ZMIZ2: variants seen among roughly 807,000 people sequenced by gnomAD.
ZMIZ2 encodes zinc finger MIZ domain-containing protein 2.
A neutral mutation model predicts 93.9 loss-of-function variants in ZMIZ2; 26 were observed. That is an observed-to-expected ratio of 0.28 (90% CI 0.20 to 0.38). ZMIZ2 has a LOEUF of 0.38. ZMIZ2 is among the 10% of genes least tolerant of loss of function. The pLI is 1.00. For missense variants in ZMIZ2, 1,023 were observed against 1,235.0 expected, an observed-to-expected ratio of 0.83 and a Z score of 2.57; for synonymous variants, 485 against 516.4, an observed-to-expected ratio of 0.94 and a Z score of 0.82.
chr7:44,757,449 C>T lies in ZMIZ2; in HGVS notation c.440C>T (p.Ala147Val). ...AARPSTDFTQ[A>V]AAAAAVAAAA... Reference sequence around the variant, plus strand: ...AGACCCTCCACTGACTTCACGCAAGCGGCAGCTGCTGCAGCTGTGGCTGCT... The same window carrying T: ...AGACCCTCCACTGACTTCACGCAAGTGGCAGCTGCTGCAGCTGTGGCTGCT... The change falls in exon 5 of 19, where the codon GCG becomes GTG. Residue 147 changes from alanine (A) to valine (V), a missense_variant. Coordinates refer to ENST00000309315, the MANE Select transcript of ZMIZ2 (RefSeq NM_031449.4). The T allele has an allele frequency of 1.9e-6, 3 of 1,606,884 alleles. No homozygotes were observed. Among genetic ancestry groups the T allele is most frequent in the African/African-American group, 1.3e-5 (1 of 75,026 alleles).
At position 44,764,997 on chromosome 7, in the gene ZMIZ2, T is replaced by C. The variant is rs1791559237; in HGVS notation, c.1985T>C (p.Ile662Thr). 6.2e-7 allele frequency: 1 copy of C among 1,614,218 alleles called. No individual in the cohort carries two copies. Among genetic ancestry groups the C allele is most frequent in the African/African-American group, 1.3e-5 (1 of 75,068 alleles). ...GACCAGTACATGCTGGGCATCCTGATTTACATTCAGAAGTAAGCATCCTCT... is the reference window on the plus strand; with the variant it reads ...GACCAGTACATGCTGGGCATCCTGACTTACATTCAGAAGTAAGCATCCTCT... ...EVDQYMLGILIYIQNSDYEEI... is the reference protein window; with the variant it reads ...EVDQYMLGILTYIQNSDYEEI... Residue 662 changes from isoleucine (I) to threonine (T), a missense_variant, in exon 15 of 19, where the codon ATT (isoleucine) becomes ACT (threonine). Coordinates refer to ENST00000309315, the MANE Select transcript of ZMIZ2 (RefSeq NM_031449.4).
intron 3 of ZMIZ2, 93 bp from the exon 4 acceptor site, chr7:44,756,854 C>T (rs1207049476): frequency 6.6e-7 from 1 of 1,506,264 alleles, no homozygotes; most frequent in Non-Finnish European, 9.1e-7. Context: ...CCCCAACCCA[C>T]TTGCCAGGCC....
Position 44,757,136 on chromosome 7 carries a change from G to A in ZMIZ2, c.355G>A (p.Gly119Ser), listed in dbSNP as rs372987958. Residue 119 changes from glycine to serine, a missense_variant, in exon 4 of 19, where the codon GGC (glycine) becomes AGC (serine). Gly to Ser is a moderately conservative substitution (Grantham distance 56). Around this residue, in one of 3 missense-constraint regions of ZMIZ2, gnomAD observed 656 missense variants for 777.1 expected, o/e 0.84. Transcript: ENST00000309315. Reference sequence around the variant, plus strand: ...CCGCGGGGGCTACCCTGGGGCCCCCGGCTTCACCACCGGGTAAGCAAGTTC... The same window carrying A: ...CCGCGGGGGCTACCCTGGGGCCCCCAGCTTCACCACCGGGTAAGCAAGTTC... ...YSRGGYPGAPGFTTGYAGGPG... is the reference protein window; with the variant it reads ...YSRGGYPGAPSFTTGYAGGPG... 1.1e-4 allele frequency: 170 copies of A among 1,594,016 alleles called. No homozygotes were observed. In the South Asian group the frequency reaches 1.1e-3, roughly 11 times the overall value.
Position 44,769,620 on chromosome 7 carries a change from C to T in ZMIZ2, c.*1997C>T, listed in dbSNP as rs1014435036. 1 of 152,688 alleles carries T rather than the reference C, an allele frequency of 6.5e-6. No individual in the cohort carries two copies. Among genetic ancestry groups the T allele is most frequent in the Admixed American group, 6.5e-5 (1 of 15,288 alleles). The allele number at this position is 152,688 out of a possible 1,614,324, so 9.5% of individuals were successfully genotyped here. On this transcript the variant is annotated 3_prime_UTR_variant, in exon 19 of 19. Transcript: ENST00000309315. The stretch of plus-strand genomic sequence containing the variant: ...TTTCTTGGGTGTCAAATGACTGTGT[C>T]CTGGACATCTGATGCACCACCTGCC...
chr7:44,767,706 A>AC lies in ZMIZ2; in HGVS notation c.*86dup. Reference sequence around the variant, plus strand: ...CCCTTCATGCCCAGCCCCATGGGACACCCGGTGGTCTTTCCCAAACCTCCC... The same window carrying AC: ...CCCTTCATGCCCAGCCCCATGGGACACCCCGGTGGTCTTTCCCAAACCTCCC... On this transcript the variant is annotated 3_prime_UTR_variant, in exon 19 of 19. Coordinates refer to ENST00000309315, the MANE Select transcript of ZMIZ2 (RefSeq NM_031449.4). 7.8e-7 allele frequency: 1 copy of AC among 1,286,064 alleles called. No homozygotes were observed. Among genetic ancestry groups the AC allele is most frequent in the South Asian group, 1.2e-5 (1 of 81,888 alleles). The allele number at this position is 1,286,064 out of a possible 1,614,324, so 79.7% of individuals were successfully genotyped here.
intron 1 of ZMIZ2, chr7:44,750,015 T>C (rs1229137914): frequency 6.6e-6 from 1 of 152,140 alleles, no homozygotes; most frequent in Non-Finnish European, 1.5e-5. Flanking sequence ...GCCCAGGGGA[T>C]AGTTACAAGC....
chr7:44,752,629 A>G (rs1790253603), intron 1 of ZMIZ2, among the ~76,000 whole-genome samples: 3 of 152,142 alleles, frequency 2.0e-5, no homozygotes, highest in Admixed American at 2.0e-4. Flanking sequence ...GCCTCTTGGG[A>G]TTGGCTTTTT....
At chr7:44,759,515 C>A in intron 7 of ZMIZ2, 55 bp downstream of exon 7, 1 of 1,350,690 alleles carries the variant, frequency 7.4e-7, no homozygotes, top group South Asian at 2.1e-5. Context: ...TGCTGTGGGA[C>A]AGGGGACCTT....
In ZMIZ2 at chr7:44,763,370, G is replaced by A; in HGVS notation, c.1817G>A (p.Arg606Lys). 1 of 1,614,138 alleles carries A rather than the reference G, an allele frequency of 6.2e-7. No homozygotes were observed. The highest frequency in any genetic ancestry group is 8.5e-7 in the Non-Finnish European group (1 of 1,180,016). The part of the protein sequence containing the change: ...VSLKCPITFR[R>K]IQLPARGHDC... ...CTGAAGTGCCCCATCACCTTCCGCA[G>A]GATCCAGCTCCCTGCCCGAGGTCAT... is the stretch of plus-strand genomic sequence containing the variant. The change falls in exon 13 of 19, where the codon AGG becomes AAG. Residue 606 changes from arginine (R) to lysine (K), a missense_variant. By Grantham distance (26) the Arg-to-Lys change is conservative. This residue lies in a region of ZMIZ2 where 48 missense variants were observed against 99.1 expected (regional missense o/e 0.48). Transcript: ENST00000309315. The surrounding 1 kb of genome is among the most constrained non-coding windows in gnomAD (Gnocchi z 5.6).
intron 4 of ZMIZ2, 78 bp from the exon 5 acceptor site, chr7:44,757,300 T>C: frequency 6.5e-7 from 1 of 1,546,610 alleles, no homozygotes; most frequent in South Asian, 1.2e-5. Flanking sequence ...CCCTGGGTGC[T>C]GCATGCCTCT....
In ZMIZ2 at chr7:44,766,616, C is replaced by T. The variant is rs199813267; in HGVS notation, c.2608C>T (p.Pro870Ser). ...CAGTCCTGCCACAGGCGTGATGGGGCCCCCCAGCATGTCTGGAGCCGGGGA... is the reference window on the plus strand; with the variant it reads ...CAGTCCTGCCACAGGCGTGATGGGGTCCCCCAGCATGTCTGGAGCCGGGGA... ...AFSPATGVMG[P>S]PSMSGAGEAP... The change falls in exon 18 of 19, where the codon CCC becomes TCC. Residue 870 changes from proline to serine, a missense_variant. Around this residue, in one of 3 missense-constraint regions of ZMIZ2, gnomAD observed 319 missense variants for 358.8 expected, o/e 0.89. Coordinates refer to ENST00000309315, the MANE Select transcript of ZMIZ2 (RefSeq NM_031449.4). This position sits in a 1 kb window ranked among gnomAD's most constrained non-coding sequence, Gnocchi z 4.4. 6.2e-7 allele frequency: 1 copy of T among 1,613,316 alleles called. No homozygotes were observed. The highest frequency in any genetic ancestry group is 8.5e-7 in the Non-Finnish European group (1 of 1,179,996).
At chr7:44,767,014 C>T (rs1438921294) in intron 18 of ZMIZ2, among the ~76,000 whole-genome samples, 3 of 152,130 alleles carry the variant, frequency 2.0e-5, no homozygotes, top group African/African-American at 7.2e-5. Flanking sequence ...AGTGCAAACT[C>T]AGTACATGAA....
chr7:44,760,453 G>C lies in ZMIZ2; in HGVS notation c.1100G>C (p.Ser367Thr), dbSNP rs1429333565. 14 of 1,613,966 alleles carry C rather than the reference G, an allele frequency of 8.7e-6. No homozygotes were observed. Among genetic ancestry groups the C allele is most frequent in the Middle Eastern group, 1.6e-4 (1 of 6,082 alleles). ...GPTRSIPGYP[S>T]SPLPGNPTPP... is the part of the protein sequence containing the mutation. ...ACCCGTTCCATCCCGGGCTATCCCA[G>C]TTCCCCACTGCCAGGGAACCCCACG... is the stretch of plus-strand genomic sequence containing the variant. Residue 367 changes from serine (S) to threonine (T), a missense_variant, in exon 9 of 19, where the codon AGT (serine) becomes ACT (threonine). Around this residue, in one of 3 missense-constraint regions of ZMIZ2, gnomAD observed 656 missense variants for 777.1 expected, o/e 0.84. Transcript: ENST00000309315.
At chr7:44,754,016 C>T (rs893988397) in intron 1 of ZMIZ2, among the ~76,000 whole-genome samples, 4 of 152,188 alleles carry the variant, frequency 2.6e-5, no homozygotes, top group Non-Finnish European at 5.9e-5. Context: ...TCTCTGGTCT[C>T]GCCTGTTGGC....
In ZMIZ2 at chr7:44,756,440, A is replaced by T; in HGVS notation, c.66A>T (p.Ala22=). Residue 22 remains alanine, a synonymous_variant, in exon 3 of 19, where the codon GCA becomes GCT. Coordinates refer to ENST00000309315, the MANE Select transcript of ZMIZ2 (RefSeq NM_031449.4). ...TTCCCTGCAGTGATGGTTCATTCGC[A>T]TATGAGTCTGTGCCTTGGCAACAAA... ...PPAPHGDGSF[A]YESVPWQQSA... is the part of the protein sequence containing the mutation. 2 of 1,614,086 alleles carry T rather than the reference A, an allele frequency of 1.2e-6. No homozygotes were observed. The highest frequency in any genetic ancestry group is 1.7e-6 in the Non-Finnish European group (2 of 1,180,016).
In ZMIZ2 at chr7:44,765,721, C is replaced by T. The variant is rs555073994; in HGVS notation, c.2242+142C>T. 7.8e-6 allele frequency: 10 copies of T among 1,276,412 alleles called. 1 individual carries two copies. The highest frequency in any genetic ancestry group is 3.0e-5 in the South Asian group (2 of 66,966). The allele number at this position is 1,276,412 out of a possible 1,614,324, so 79.1% of individuals were successfully genotyped here. A position where few individuals can be genotyped will look rare whatever the true frequency, so the allele number is the denominator to read the frequency against. On this transcript the variant is annotated intron_variant, in intron 16 of 18. Coordinates refer to ENST00000309315, the MANE Select transcript of ZMIZ2 (RefSeq NM_031449.4). This position sits in a 1 kb window ranked among gnomAD's most constrained non-coding sequence, Gnocchi z 4.1. Reference sequence around the variant, plus strand: ...CAGTGTTGCCACACAAAACATGCCGCGGGGCACCTCCAGCCCCTCCCATCT... The same window carrying T: ...CAGTGTTGCCACACAAAACATGCCGTGGGGCACCTCCAGCCCCTCCCATCT...
Position 44,765,696 on chromosome 7 carries a change from C to T in ZMIZ2, c.2242+117C>T. On this transcript the variant is annotated intron_variant, in intron 16 of 18. Transcript: ENST00000309315. The surrounding 1 kb of genome is among the most constrained non-coding windows in gnomAD (Gnocchi z 4.1). ...TATGCAGGTCACACACCTAGGTTAT[C>T]AGTGTTGCCACACAAAACATGCCGC... 2 of 1,428,676 alleles carry T rather than the reference C, an allele frequency of 1.4e-6. No homozygotes were observed. The highest frequency in any genetic ancestry group is 2.7e-5 in the South Asian group (2 of 73,362). 88.5% of individuals were successfully genotyped at this position (1,428,676 alleles called of 1,614,324 possible).
chr7:44,765,025 C>T lies in ZMIZ2; in HGVS notation c.1997+16C>T, dbSNP rs1384154877. 5 of 1,613,962 alleles carry T rather than the reference C, an allele frequency of 3.1e-6. No homozygotes were observed. The highest frequency in any genetic ancestry group is 4.2e-6 in the Non-Finnish European group (5 of 1,179,968). On this transcript the variant is annotated intron_variant, in intron 15 of 18. Transcript: ENST00000309315. This position sits in a 1 kb window ranked among gnomAD's most constrained non-coding sequence, Gnocchi z 4.1. ...ACATTCAGAAGTAAGCATCCTCTTC[C>T]TGTGATCCCTGCATCTGTGGCCACT...
chr7:44,764,608 T>G, intron 14 of ZMIZ2, 122 bp downstream of exon 14: 1 of 1,160,966 alleles, frequency 8.6e-7, no homozygotes, highest in Non-Finnish European at 1.2e-6. Context: ...CTGCATGGAC[T>G]GGGGTTGTGC....
Sources: gnomAD v4.1 joint callset for allele counts (sites outside exome capture counted in the v4.1 genomes callset) on GRCh38, gnomAD v4.1.1 for gene constraint, gnomAD v4.1.1 regional missense constraint, Gnocchi (gnomAD v3.1) non-coding constraint, MANE v1.5 for transcripts, NCBI Gene and HGNC (gene_info 2026-07-23, HGNC 2026-07-21) for gene names.